CADM2: variants seen among roughly 807,000 people sequenced by gnomAD.
The protein encoded by CADM2 is immunoglobulin superfamily member 4D.
A neutral mutation model predicts 49.8 loss-of-function variants in CADM2; 12 were observed. The observed-to-expected ratio is 0.24, with a 90% confidence interval of 0.15 to 0.39. CADM2 has a LOEUF of 0.39. Among genes scored for constraint, CADM2 ranks in the 10% least tolerant of loss-of-function variants. The pLI is 1.00. For missense variants in CADM2, 378 were observed against 492.3 expected, an observed-to-expected ratio of 0.77 and a Z score of 2.20; for synonymous variants, 214 against 175.4, an observed-to-expected ratio of 1.22 and a Z score of -1.74.
intron 1 of CADM2, among the ~76,000 whole-genome samples, chr3:85,101,035 C>T (rs1013922340): frequency 6.6e-6 from 1 of 152,096 alleles, no homozygotes; most frequent in Non-Finnish European, 1.5e-5. Flanking sequence ...GCAGGCGGAT[C>T]ACAAGGTTAG....
chr3:85,314,749 G>A (rs895606762), intron 1 of CADM2, among the ~76,000 whole-genome samples: 4 of 152,072 alleles, frequency 2.6e-5, no homozygotes, highest in Non-Finnish European at 4.4e-5. Flanking sequence ...TGAACTCTGG[G>A]GTGAAGCACA....
At chr3:85,499,938 T>C (rs1440141883) in intron 1 of CADM2, among the ~76,000 whole-genome samples, 1 of 152,182 alleles carries the variant, frequency 6.6e-6, no homozygotes, top group African/African-American at 2.4e-5. Context: ...ATTTCAAGTT[T>C]TCAAAATATT....
intron 1 of CADM2, among the ~76,000 whole-genome samples, chr3:85,530,885 C>T (rs984295880): frequency 6.7e-6 from 1 of 148,866 alleles, no homozygotes; most frequent in Non-Finnish European, 1.5e-5. Context: ...CACACACACA[C>T]ACACACACAC....
chr3:85,849,831 A>G, intron 3 of CADM2, among the ~76,000 whole-genome samples: 1 of 152,176 alleles, frequency 6.6e-6, no homozygotes, highest in Non-Finnish European at 1.5e-5. Flanking sequence ...CAATGAATAA[A>G]TTAGATGTAG....
intron 1 of CADM2, among the ~76,000 whole-genome samples, chr3:85,521,420 T>C (rs1464830750): frequency 6.6e-6 from 1 of 152,154 alleles, no homozygotes; most frequent in Non-Finnish European, 1.5e-5. Context: ...CGCTTATCGA[T>C]ATCATTTGCA....
At chr3:85,586,744 A>G (rs2062957146) in intron 1 of CADM2, among the ~76,000 whole-genome samples, 3 of 152,104 alleles carry the variant, frequency 2.0e-5, no homozygotes, top group South Asian at 4.1e-4. Context: ...CACAACTTCA[A>G]TAAGTAGCAT....
intron 8 of CADM2, among the ~76,000 whole-genome samples, chr3:86,032,751 C>A (rs1359659233): frequency 6.6e-6 from 1 of 151,832 alleles, no homozygotes; most frequent in Non-Finnish European, 1.5e-5. Flanking sequence ...TATAATTTGA[C>A]AGAATTCTAA....
At chr3:85,294,014 C>T (rs931684001) in intron 1 of CADM2, among the ~76,000 whole-genome samples, 23 of 151,862 alleles carry the variant, frequency 1.5e-4, no homozygotes, top group African/African-American at 3.4e-4. Flanking sequence ...TGTTTGCAGA[C>T]GACATGATTG....
At chr3:85,246,750 C>G (rs1049179875) in intron 1 of CADM2, among the ~76,000 whole-genome samples, 1 of 151,970 alleles carries the variant, frequency 6.6e-6, no homozygotes, top group Non-Finnish European at 1.5e-5. Flanking sequence ...GAAGAACATA[C>G]AAGTGTTCAA....
intron 1 of CADM2, among the ~76,000 whole-genome samples, chr3:85,088,625 G>A (rs2037475102): frequency 6.6e-6 from 1 of 151,932 alleles, no homozygotes; most frequent in African/African-American, 2.4e-5. Context: ...GATCAAATAA[G>A]CAGAAATAGA....
At chr3:85,664,409 C>A (rs1559579056) in intron 1 of CADM2, among the ~76,000 whole-genome samples, 1 of 151,964 alleles carries the variant, frequency 6.6e-6, no homozygotes, top group South Asian at 2.1e-4. Context: ...TCAAGTGTAG[C>A]AATTCCATCC....
chr3:85,985,356 A>T (rs936844450), intron 8 of CADM2, among the ~76,000 whole-genome samples: 1 of 151,904 alleles, frequency 6.6e-6, no homozygotes, highest in Non-Finnish European at 1.5e-5. Flanking sequence ...TCACTTCCCC[A>T]GGCCCCAGCT....
intron 1 of CADM2, among the ~76,000 whole-genome samples, chr3:85,591,228 T>A (rs2063098676): frequency 6.6e-6 from 1 of 151,982 alleles, no homozygotes; most frequent in Non-Finnish European, 1.5e-5. Context: ...CCTTCACTGA[T>A]GCTAAAATTC....
intron 1 of CADM2, among the ~76,000 whole-genome samples, chr3:85,074,061 T>C (rs9855054): frequency 0.68 from 103,150 of 151,932 alleles, 35,350 homozygotes; most frequent in Admixed American, 0.75. Flanking sequence ...TTTGAAGGCA[T>C]TGTAAGTTCA....
At chr3:85,533,563 G>A (rs67018424) in intron 1 of CADM2, among the ~76,000 whole-genome samples, 77,982 of 152,032 alleles carry the variant, frequency 0.51, 23,077 homozygotes, top group East Asian at 0.85. Context: ...CATTAAGACA[G>A]GATGTCATAT....
At chr3:85,163,072 C>A (rs2040375526) in intron 1 of CADM2, among the ~76,000 whole-genome samples, 1 of 152,006 alleles carries the variant, frequency 6.6e-6, no homozygotes, top group Non-Finnish European at 1.5e-5. Context: ...GTAATGCTGA[C>A]TCATCATTCT....
Position 84,982,712 on chromosome 3 carries a change from T to C in CADM2, c.61+23044T>C, listed in dbSNP as rs1332809843. Among the ~76,000 whole-genome samples, 6 of 95,986 alleles carry C rather than the reference T, an allele frequency of 6.3e-5. No individual in the cohort carries two copies. The East Asian group carries it at 1.7e-3, about 28-fold the overall frequency. The allele number at this position is 95,986 out of a possible 152,430, so 63.0% of individuals were successfully genotyped here. On this transcript the variant is annotated intron_variant, in intron 1 of 9. Transcript: ENST00000383699. ...TTGAAAACTATAAAGCATATATATA[T>C]ATATATATATATATATATATATACA...
At chr3:85,193,465 C>G (rs2041261689) in intron 1 of CADM2, among the ~76,000 whole-genome samples, 1 of 152,142 alleles carries the variant, frequency 6.6e-6, no homozygotes, top group African/African-American at 2.4e-5. Context: ...AAAATCTGCT[C>G]TCTTTATGTG....
At chr3:85,563,723 G>A (rs1256048290) in intron 1 of CADM2, among the ~76,000 whole-genome samples, 1 of 152,118 alleles carries the variant, frequency 6.6e-6, no homozygotes, top group Admixed American at 6.5e-5. Context: ...AAATGTTAGG[G>A]TCTTCCAAAT....
Sources: allele counts gnomAD v4.1 joint callset (sites outside exome capture counted in the v4.1 genomes callset), GRCh38; gene constraint gnomAD v4.1.1; transcripts MANE v1.5; gene names NCBI Gene and HGNC (gene_info 2026-07-23, HGNC 2026-07-21).